The following THSD4 variants were observed in gnomAD, a reference collection of about 807,000 sequenced individuals.
THSD4 encodes thrombospondin type 1 domain containing 4, also known as thrombospondin type-1 domain-containing protein 4.
A neutral mutation model predicts 119.0 loss-of-function variants in THSD4; 69 were observed. The ratio of observed to expected loss-of-function variants is 0.58; its 90% CI spans 0.48 to 0.71. The LOEUF (loss-of-function observed/expected upper bound fraction) is 0.71, where lower values mean the gene tolerates loss of function less well. Ranked by LOEUF, THSD4 falls within the 30% of genes least tolerant of loss-of-function variation. The probability of loss-of-function intolerance (pLI) is 0.00; values close to 1 mark genes in which losing one functional copy is unlikely to be tolerated. For missense variants in THSD4, 1,393 were observed against 1,391.1 expected (o/e 1.00, Z -0.02); for synonymous variants, 524 against 540.4 (o/e 0.97, Z 0.42).
At chr15:71,395,914 G>GAGAC (rs535919434) in intron 6 of THSD4, among the ~76,000 whole-genome samples, 3,312 of 133,258 alleles carry the variant, frequency 0.025, 41 homozygotes, top group South Asian at 0.063. Context: ...TTTGAAGAGA[G>GAGAC]ACACACACAC....
chr15:71,635,561 T>C (rs1186057024), intron 7 of THSD4, among the ~76,000 whole-genome samples: 1 of 152,234 alleles, frequency 6.6e-6, no homozygotes, highest in Non-Finnish European at 1.5e-5. Flanking sequence ...TTCTCTTCAG[T>C]CTCTCTTTTT....
intron 3 of THSD4, chr15:71,186,794 G>A (rs2043609779): frequency 6.6e-6 from 1 of 152,216 alleles, no homozygotes; most frequent in South Asian, 2.1e-4. Flanking sequence ...GGTGATTAAT[G>A]ATATTTCCAA....
chr15:71,245,540 A>G (rs1251519785), intron 5 of THSD4, among the ~76,000 whole-genome samples: 1 of 152,234 alleles, frequency 6.6e-6, no homozygotes, highest in African/African-American at 2.4e-5. Flanking sequence ...ACTAAAGGAA[A>G]GGCTCATAGG....
At chr15:71,248,841 A>G (rs1471748247) in intron 5 of THSD4, among the ~76,000 whole-genome samples, 1 of 152,202 alleles carries the variant, frequency 6.6e-6, no homozygotes, top group Non-Finnish European at 1.5e-5. Context: ...CCTGACTGCA[A>G]TTTTAAGCAA....
intron 1 of THSD4, among the ~76,000 whole-genome samples, chr15:71,123,461 G>A (rs1267314071): frequency 6.6e-6 from 1 of 152,240 alleles, no homozygotes; most frequent in Non-Finnish European, 1.5e-5. Context: ...TAGGTAAGGT[G>A]TCTGCTCAAG....
rs7177520 is a variant in THSD4 at position 71,606,663 on chromosome 15, C to T, written c.1153-53867C>T. Among the ~76,000 whole-genome samples the T allele has an allele frequency of 5.9e-3, 901 of 152,282 alleles. 5 individuals are homozygous for T. Among genetic ancestry groups the T allele is most frequent in the African/African-American group, 0.021 (860 of 41,542 alleles). ...TCAAGCAATTCTCCTGCCTCAGCCT[C>T]CCGAGTAGCTGGGATTACAGGCATG... On this transcript the variant is annotated intron_variant, in intron 7 of 17. Coordinates refer to ENST00000261862, the MANE Select transcript of THSD4 (RefSeq NM_024817.3).
intron 6 of THSD4, among the ~76,000 whole-genome samples, chr15:71,276,642 G>A (rs111583301): frequency 5.9e-5 from 9 of 152,130 alleles, no homozygotes; most frequent in African/African-American, 9.7e-5. Flanking sequence ...CTAGTTGCTC[G>A]AAAATTTGAG....
Position 71,746,893 on chromosome 15 carries a change from C to A in THSD4, c.2092C>A (p.His698Asn). The A allele has an allele frequency of 1.2e-6, 2 of 1,614,100 alleles. No homozygotes were observed. Among genetic ancestry groups the A allele is most frequent in the Non-Finnish European group, 1.7e-6 (2 of 1,180,030 alleles). ...CAAGACCTGTGGCCTGGGCATGCAG[C>A]ACCGCCAGGTTCTGTGCCGCCAGGT... Reference protein sequence around the residue: ...CSKTCGLGMQHRQVLCRQVYA... With the variant: ...CSKTCGLGMQNRQVLCRQVYA... The change falls in exon 13 of 18, where the codon CAC becomes AAC. Residue 698 changes from histidine to asparagine, a missense_variant. His to Asn is a moderately conservative substitution (Grantham distance 68). Coordinates refer to ENST00000261862, the MANE Select transcript of THSD4 (RefSeq NM_024817.3).
intron 6 of THSD4, among the ~76,000 whole-genome samples, chr15:71,352,080 CAAAAG>C (rs1322672516): frequency 3.9e-5 from 6 of 152,168 alleles, no homozygotes; most frequent in African/African-American, 1.4e-4. Flanking sequence ...TTTAATTAAA[CAAAAG>C]AAAAGACTGC....
At chr15:71,180,302 G>A (rs1288968508) in intron 3 of THSD4, among the ~76,000 whole-genome samples, 2 of 152,014 alleles carry the variant, frequency 1.3e-5, no homozygotes, top group Non-Finnish European at 2.9e-5. Flanking sequence ...ATTCAACAAC[G>A]AAGCAGACAA....
chr15:71,638,006 T>C (rs1004318936), intron 7 of THSD4, among the ~76,000 whole-genome samples: 5 of 152,208 alleles, frequency 3.3e-5, no homozygotes, highest in Admixed American at 2.0e-4. Flanking sequence ...GGATTACAGG[T>C]GTGAGCCGCT....
intron 7 of THSD4, among the ~76,000 whole-genome samples, chr15:71,505,749 C>T (rs1011871873): frequency 1.3e-5 from 2 of 152,180 alleles, no homozygotes; most frequent in African/African-American, 4.8e-5. Context: ...GATCTTGCAA[C>T]AGGAAAGTCC....
chr15:71,249,365 A>T (rs1185771894), intron 5 of THSD4, among the ~76,000 whole-genome samples: 1 of 151,144 alleles, frequency 6.6e-6, no homozygotes, highest in East Asian at 1.9e-4. Flanking sequence ...AATTGTTAAC[A>T]GTTGTCATTT....
At chr15:71,501,515 A>G (rs562392719) in intron 7 of THSD4, among the ~76,000 whole-genome samples, 7 of 152,264 alleles carry the variant, frequency 4.6e-5, no homozygotes, top group African/African-American at 1.7e-4. Context: ...AATTCTGCCA[A>G]CATGAGCTGT....
intron 7 of THSD4, among the ~76,000 whole-genome samples, chr15:71,413,411 AT>A (rs1192824525): frequency 1.3e-5 from 2 of 152,080 alleles, no homozygotes; most frequent in Non-Finnish European, 2.9e-5. Flanking sequence ...TTCTAACTGT[AT>A]TTTTTTGCCC....
At position 71,466,808 on chromosome 15, in the gene THSD4, A is replaced by G. The variant is rs138401956; in HGVS notation, c.1152+54985A>G. ...AGGAACTCTATTCACATCACCCCTTAGTCACACAGTCCTCCCCTCATGCCC... is the reference window on the plus strand; with the variant it reads ...AGGAACTCTATTCACATCACCCCTTGGTCACACAGTCCTCCCCTCATGCCC... On this transcript the variant is annotated intron_variant, in intron 7 of 17. Coordinates refer to ENST00000261862, the MANE Select transcript of THSD4 (RefSeq NM_024817.3). 6.1e-3 allele frequency among the ~76,000 whole-genome samples: 929 copies of G among 152,282 alleles called. 10 individuals carry two copies. Among genetic ancestry groups the G allele is most frequent in the African/African-American group, 0.021 (890 of 41,562 alleles).
intron 2 of THSD4, among the ~76,000 whole-genome samples, chr15:71,143,653 G>A (rs1449518476): frequency 7.0e-6 from 1 of 143,876 alleles, no homozygotes; most frequent in Non-Finnish European, 1.5e-5. Flanking sequence ...CTTTTGCAAA[G>A]TTTTTTCTTA....
chr15:71,179,921 T>C (rs1260594482), intron 3 of THSD4, among the ~76,000 whole-genome samples: 4 of 70,064 alleles, frequency 5.7e-5, no homozygotes, highest in African/African-American at 1.9e-4. Flanking sequence ...ATATTCTCAC[T>C]CATAGGTGGG....
intron 7 of THSD4, among the ~76,000 whole-genome samples, chr15:71,476,720 G>A (rs1041335181): frequency 1.3e-5 from 2 of 152,218 alleles, no homozygotes; most frequent in Non-Finnish European, 2.9e-5. Context: ...CAAGAAGAGA[G>A]CTCACAGCGG....
Sources: gnomAD v4.1 joint callset for allele counts (sites outside exome capture counted in the v4.1 genomes callset) on GRCh38, gnomAD v4.1.1 for gene constraint, MANE v1.5 for transcripts, NCBI Gene and HGNC (gene_info 2026-07-23, HGNC 2026-07-21) for gene names.